Variants in GRIK1 observed in about 807,000 individuals in gnomAD.
GRIK1 encodes the protein glutamate receptor ionotropic, kainate 1.
Under a neutral mutation model 105.7 loss-of-function variants are expected in GRIK1, and 69 were observed. The ratio of observed to expected loss-of-function variants is 0.65; its 90% CI spans 0.54 to 0.80. The LOEUF (loss-of-function observed/expected upper bound fraction) is 0.80. Among genes scored for constraint, GRIK1 ranks in the 30% least tolerant of loss-of-function variants. GRIK1 has a pLI of 0.00. For synonymous variants in GRIK1, 438 were observed against 431.3 expected, an observed-to-expected ratio of 1.02 and a Z score of -0.19; for missense variants, 1,109 against 1,167.3, an observed-to-expected ratio of 0.95 and a Z score of 0.73.
At chr21:29,705,915 C>G (rs145597386) in intron 1 of GRIK1, among the ~76,000 whole-genome samples, 6 of 149,954 alleles carry the variant, frequency 4.0e-5, no homozygotes, top group Non-Finnish European at 7.4e-5. Flanking sequence ...GCTCTGTCAC[C>G]CAGGCTGCAT....
chr21:29,594,376 T>C, intron 9 of GRIK1, among the ~76,000 whole-genome samples: 1 of 152,226 alleles, frequency 6.6e-6, no homozygotes, highest in South Asian at 2.1e-4. Context: ...AGAAGATGCC[T>C]GGACATTTGA....
intron 1 of GRIK1, chr21:29,749,084 C>T (rs1380181658): frequency 6.6e-6 from 1 of 152,158 alleles, no homozygotes; most frequent in Non-Finnish European, 1.5e-5. Flanking sequence ...ATCTTAGCTT[C>T]AGAAAGCCAG....
At chr21:29,759,752 GT>G (rs1341324313) in intron 1 of GRIK1, among the ~76,000 whole-genome samples, 1 of 152,142 alleles carries the variant, frequency 6.6e-6, no homozygotes, top group Non-Finnish European at 1.5e-5. Flanking sequence ...GCTCTATCTG[GT>G]TTATCTTTGA....
At chr21:29,780,797 C>T (rs2066075916) in intron 1 of GRIK1, among the ~76,000 whole-genome samples, 1 of 152,180 alleles carries the variant, frequency 6.6e-6, no homozygotes, top group South Asian at 2.1e-4. Flanking sequence ...GTAACTAAAT[C>T]ACTATTGCTT....
rs944581641 is a variant in GRIK1, at chr21:29,901,511, A to G, written c.118+37872T>C. ...ACAAACTACCACCAGAGAATACTATAAACACCTCTACACAAATAAACCAGA... is the reference window on the plus strand; with the variant it reads ...ACAAACTACCACCAGAGAATACTATGAACACCTCTACACAAATAAACCAGA... On this transcript the variant is annotated intron_variant, in intron 1 of 17. Transcript: ENST00000327783. 5.6e-4 allele frequency among the ~76,000 whole-genome samples: 85 copies of G among 150,616 alleles called. 1 individual carries two copies. The highest frequency in any genetic ancestry group is 2.1e-3 in the African/African-American group (85 of 40,472).
chr21:29,576,196 A>G (rs2090889865), intron 14 of GRIK1, among the ~76,000 whole-genome samples: 1 of 152,092 alleles, frequency 6.6e-6, no homozygotes, highest in Non-Finnish European at 1.5e-5. Flanking sequence ...ATTAAAATCT[A>G]TTTTTCACTG....
chr21:29,601,194 G>A (rs2061511579), intron 7 of GRIK1: 1 of 504,158 alleles, frequency 2.0e-6, no homozygotes, highest in Non-Finnish European at 4.0e-6. Flanking sequence ...CAAAAAGGCA[G>A]AGGAAGAGAG....
At chr21:29,744,541 C>G (rs1374050604) in intron 1 of GRIK1, among the ~76,000 whole-genome samples, 1 of 151,896 alleles carries the variant, frequency 6.6e-6, no homozygotes, top group African/African-American at 2.4e-5. Context: ...CTAGCTGGCA[C>G]TACTGCTCTC....
At chr21:29,702,266 A>G (rs958034323) in intron 1 of GRIK1, among the ~76,000 whole-genome samples, 2 of 152,220 alleles carry the variant, frequency 1.3e-5, no homozygotes, top group African/African-American at 4.8e-5. Flanking sequence ...CCTATGTACA[A>G]AACTGTGCAT....
In GRIK1 at chr21:29,830,313, ACACACACACAC is replaced by A. The variant is rs1569139523; in HGVS notation, c.118+109059_118+109069del. On this transcript the variant is annotated intron_variant, in intron 1 of 17. Transcript: ENST00000327783. ...TACACACCCACCCACCTCCCCACAC[ACACACACACAC>A]ACACACACACACACACACACACACA... Among the ~76,000 whole-genome samples, 37 of 114,690 alleles carry A rather than the reference ACACACACACAC, an allele frequency of 3.2e-4. 1 individual carries two copies. Among genetic ancestry groups the A allele is most frequent in the African/African-American group, 8.9e-4 (32 of 35,884 alleles). The allele number at this position is 114,690 out of a possible 152,430, so 75.2% of individuals were successfully genotyped here.
At chr21:29,868,837 G>T (rs537124756) in intron 1 of GRIK1, among the ~76,000 whole-genome samples, 2 of 152,178 alleles carry the variant, frequency 1.3e-5, no homozygotes, top group Middle Eastern at 3.4e-3. Flanking sequence ...CCACAGATCC[G>T]TCCACATTAC....
At chr21:29,754,605 A>G (rs1162646698) in intron 1 of GRIK1, among the ~76,000 whole-genome samples, 2 of 152,242 alleles carry the variant, frequency 1.3e-5, no homozygotes, top group Non-Finnish European at 2.9e-5. Flanking sequence ...TTGTCATTTC[A>G]ATGTGTCAAC....
At chr21:29,917,686 T>G (rs1046158536) in intron 1 of GRIK1, among the ~76,000 whole-genome samples, 1 of 151,972 alleles carries the variant, frequency 6.6e-6, no homozygotes, top group Non-Finnish European at 1.5e-5. Flanking sequence ...CCCAAAATAA[T>G]TGTAAAAACC....
chr21:29,902,384 A>C (rs147912983), intron 1 of GRIK1, among the ~76,000 whole-genome samples: 2,031 of 152,336 alleles, frequency 0.013, 53 homozygotes, highest in African/African-American at 0.046. Flanking sequence ...ACATGATTTT[A>C]TATTTAGAAA....
At chr21:29,776,691 G>A (rs142482685) in intron 1 of GRIK1, among the ~76,000 whole-genome samples, 1 of 152,178 alleles carries the variant, frequency 6.6e-6, no homozygotes, top group African/African-American at 2.4e-5. Flanking sequence ...AGTTTAGAAG[G>A]GGTTGTTAGT....
chr21:29,883,744 T>C (rs1003994912), intron 1 of GRIK1, among the ~76,000 whole-genome samples: 2 of 152,052 alleles, frequency 1.3e-5, no homozygotes, highest in African/African-American at 2.4e-5. Flanking sequence ...AAAATATTTA[T>C]GTGTTTTTTC....
intron 1 of GRIK1, among the ~76,000 whole-genome samples, chr21:29,882,737 T>C (rs1056237826): frequency 6.6e-6 from 1 of 152,092 alleles, no homozygotes; most frequent in African/African-American, 2.4e-5. Context: ...TAGGCAAAAG[T>C]GCATGAGTAA....
chr21:29,598,302 C>A (rs1222394422), intron 8 of GRIK1, among the ~76,000 whole-genome samples: 2 of 152,158 alleles, frequency 1.3e-5, no homozygotes, highest in African/African-American at 4.8e-5. Context: ...GAGAACCCAA[C>A]ATTAAAATAC....
At chr21:29,639,270 T>C (rs184395287) in intron 7 of GRIK1, among the ~76,000 whole-genome samples, 21 of 152,340 alleles carry the variant, frequency 1.4e-4, no homozygotes, top group African/African-American at 3.8e-4. Flanking sequence ...GGCATGTATT[T>C]ATTGGGTGCT....
Sources: allele counts gnomAD v4.1 joint callset (sites outside exome capture counted in the v4.1 genomes callset), GRCh38; gene constraint gnomAD v4.1.1; transcripts MANE v1.5; gene names NCBI Gene and HGNC (gene_info 2026-07-23, HGNC 2026-07-21).